PSTPIP2: variants seen among roughly 807,000 people sequenced by gnomAD.
The protein encoded by PSTPIP2 is proline-serine-threonine phosphatase-interacting protein 2.
In PSTPIP2, 33 loss-of-function variants were observed where a neutral mutation model predicts 63.3. The observed-to-expected ratio is 0.52, with a 90% confidence interval of 0.40 to 0.70. PSTPIP2 has a LOEUF of 0.70. PSTPIP2 is among the 30% of genes least tolerant of loss of function. The probability of loss-of-function intolerance (pLI) is 0.00; values close to 1 mark genes in which losing one functional copy is unlikely to be tolerated. For missense variants in PSTPIP2, 312 were observed against 400.7 expected (o/e 0.78, Z 1.89); for synonymous variants, 125 against 132.7 (o/e 0.94, Z 0.40).
At chr18:45,987,045 G>T (rs1262636310) in intron 14 of PSTPIP2, among the ~76,000 whole-genome samples, 1 of 152,122 alleles carries the variant, frequency 6.6e-6, no homozygotes, top group Non-Finnish European at 1.5e-5. Context: ...TAGAGATGGG[G>T]TTTCACCATG....
intron 6 of PSTPIP2, among the ~76,000 whole-genome samples, chr18:46,002,007 T>C (rs2051672999): frequency 6.6e-6 from 1 of 152,216 alleles, no homozygotes; most frequent in African/African-American, 2.4e-5. Context: ...TCACTGGATA[T>C]GGGGTTATGT....
intron 14 of PSTPIP2, among the ~76,000 whole-genome samples, chr18:45,986,663 T>C (rs2051469967): frequency 6.6e-6 from 1 of 152,212 alleles, no homozygotes; most frequent in Non-Finnish European, 1.5e-5. Flanking sequence ...TGATGACTGA[T>C]TGTAAAGACT....
intron 7 of PSTPIP2, 86 bp downstream of exon 7, chr18:45,999,350 G>A: frequency 7.9e-7 from 1 of 1,271,154 alleles, no homozygotes; most frequent in East Asian, 2.3e-5. Context: ...TAGGATACAG[G>A]TTCATTTCTT....
chr18:46,050,831 G>A (rs1225783330), intron 1 of PSTPIP2, among the ~76,000 whole-genome samples: 1 of 151,842 alleles, frequency 6.6e-6, no homozygotes, highest in African/African-American at 2.4e-5. Context: ...CATACATGTA[G>A]TAGTGACAAT....
intron 2 of PSTPIP2, chr18:46,028,571 A>T (rs1383405477): frequency 1.1e-5 from 8 of 741,848 alleles, no homozygotes; most frequent in African/African-American, 1.7e-5. Context: ...AAGACTTGGG[A>T]GACTCAGAAG....
At chr18:45,986,593 C>A (rs566775848) in intron 14 of PSTPIP2, among the ~76,000 whole-genome samples, 8 of 152,340 alleles carry the variant, frequency 5.3e-5, no homozygotes, top group African/African-American at 1.9e-4. Context: ...CACTCTGCCT[C>A]TAACTAGGGC....
At chr18:46,008,912 A>G (rs1334293214) in intron 5 of PSTPIP2, among the ~76,000 whole-genome samples, 1 of 151,908 alleles carries the variant, frequency 6.6e-6, no homozygotes, top group Non-Finnish European at 1.5e-5. Flanking sequence ...ACTCCTCTAT[A>G]CAGCCTTTCA....
Position 46,037,056 on chromosome 18 carries a change from A to C in PSTPIP2, c.134+2891T>G, listed in dbSNP as rs189347196. Among the ~76,000 whole-genome samples, 3 of 152,352 alleles carry C rather than the reference A, an allele frequency of 2.0e-5. No homozygotes were observed. The East Asian group carries it at 5.8e-4, about 29-fold the overall frequency. ...TTCAAAAATAATTATTACATACAAT[A>C]GTCTGTTATCTTTGCCCCTGTATTT... On this transcript the variant is annotated intron_variant, in intron 2 of 14. Transcript: ENST00000409746.
chr18:46,063,195 G>C (rs1345191274), intron 1 of PSTPIP2, among the ~76,000 whole-genome samples: 6 of 151,944 alleles, frequency 3.9e-5, no homozygotes, highest in Non-Finnish European at 8.8e-5. Flanking sequence ...TGTAGAGACA[G>C]GGTCTCAATA....
At chr18:46,070,430 GCTTAGCGCCCGCCTGGC>G (rs1909352989) in intron 1 of PSTPIP2, among the ~76,000 whole-genome samples, 1 of 152,110 alleles carries the variant, frequency 6.6e-6, no homozygotes, top group East Asian at 1.9e-4. Context: ...GTGGGGAGGG[GCTTAGCGCCCGCCTGGC>G]CTTAGCCTTG....
intron 1 of PSTPIP2, among the ~76,000 whole-genome samples, chr18:46,057,839 A>C (rs1357428358): frequency 6.6e-6 from 1 of 151,840 alleles, no homozygotes; most frequent in African/African-American, 2.4e-5. Flanking sequence ...CTACTAAAAA[A>C]TACAAAAAAT....
At chr18:46,062,756 C>T (rs936506226) in intron 1 of PSTPIP2, among the ~76,000 whole-genome samples, 1 of 152,112 alleles carries the variant, frequency 6.6e-6, no homozygotes, top group African/African-American at 2.4e-5. Flanking sequence ...ACCTCGTGAT[C>T]CACCTGCCTT....
At chr18:46,054,796 G>C (rs968940402) in intron 1 of PSTPIP2, among the ~76,000 whole-genome samples, 1 of 151,596 alleles carries the variant, frequency 6.6e-6, no homozygotes, top group African/African-American at 2.4e-5. Context: ...GAGTATCTAG[G>C]ATTACAGGCA....
intron 2 of PSTPIP2, among the ~76,000 whole-genome samples, chr18:46,033,523 C>A (rs976199154): frequency 6.6e-6 from 1 of 151,896 alleles, no homozygotes; most frequent in Non-Finnish European, 1.5e-5. Context: ...CATGGTGAAA[C>A]CCGGTCTCTA....
Position 46,016,823 on chromosome 18 carries a change from C to T in PSTPIP2, c.213-886G>A, listed in dbSNP as rs184019800. ...TTACTCAAGGTTAGTATTATACTTA[C>T]CCTCAGCAATAAAATACCTAAGAAT... On this transcript the variant is annotated intron_variant, in intron 3 of 14. Transcript: ENST00000409746. Among the ~76,000 whole-genome samples, 406 of 152,288 alleles carry T rather than the reference C, an allele frequency of 2.7e-3. 8 individuals carry two copies. Among genetic ancestry groups the T allele is most frequent in the Admixed American group, 0.02 (307 of 15,288 alleles).
chr18:46,011,189 G>A lies in PSTPIP2; in HGVS notation c.346C>T (p.Arg116Ter), dbSNP rs550663283. Residue 116 changes from arginine to a stop codon, truncating the protein, a stop_gained, in exon 5 of 15, where the codon CGA becomes TGA. Coordinates refer to ENST00000409746, the MANE Select transcript of PSTPIP2 (RefSeq NM_024430.4). LOFTEE classifies it high-confidence loss of function. ...ACGTATGCAAATCCAACCTTTTTTC[G>A]TTGTAGTTTTTGCTTTTCCCTGAAT... ...EEFREKQKLQRKKTELIMDAI... is the reference protein window; with the variant it reads ...EEFREKQKLQ 2.7e-5 allele frequency: 44 copies of A among 1,612,032 alleles called. No individual in the cohort carries two copies. Among genetic ancestry groups the A allele is most frequent in the Non-Finnish European group, 3.6e-5 (42 of 1,178,554 alleles).
chr18:46,050,377 C>T (rs684533), intron 1 of PSTPIP2, among the ~76,000 whole-genome samples: 2 of 152,024 alleles, frequency 1.3e-5, no homozygotes, highest in Non-Finnish European at 2.9e-5. Flanking sequence ...CGCGACAAGC[C>T]TAAGAAACAT....
intron 13 of PSTPIP2, among the ~76,000 whole-genome samples, chr18:45,990,481 G>A (rs1485255780): frequency 6.6e-6 from 1 of 152,052 alleles, no homozygotes; most frequent in Non-Finnish European, 1.5e-5. Context: ...CCAGGCTGGA[G>A]TGCAGTGGTG....
intron 1 of PSTPIP2, among the ~76,000 whole-genome samples, chr18:46,064,282 C>CT (rs56236802): frequency 0.015 from 1,049 of 71,546 alleles, 113 homozygotes; most frequent in African/African-American, 0.019. Context: ...CTTTTTCTTT[C>CT]TTTTTTTTTT....
Sources: allele counts gnomAD v4.1 joint callset (sites outside exome capture counted in the v4.1 genomes callset), GRCh38; gene constraint gnomAD v4.1.1; transcripts MANE v1.5; gene names NCBI Gene and HGNC (gene_info 2026-07-23, HGNC 2026-07-21).